The following DKK2 variants were observed in gnomAD, a reference collection of about 807,000 sequenced individuals.
DKK2 encodes the protein dickkopf Wnt signaling pathway inhibitor 2, also known as dickkopf-related protein 2.
Under a neutral mutation model 28.1 loss-of-function variants are expected in DKK2, and 11 were observed. That is an observed-to-expected ratio of 0.39 (90% CI 0.25 to 0.65). The LOEUF (loss-of-function observed/expected upper bound fraction) is 0.65, where lower values mean the gene tolerates loss of function less well. Ranked by LOEUF, DKK2 falls within the 30% of genes least tolerant of loss-of-function variation. The pLI is 0.47. For synonymous variants in DKK2, 135 were observed against 126.5 expected (o/e 1.07, Z -0.45); for missense variants, 326 against 335.5 (o/e 0.97, Z 0.22).
intron 1 of DKK2, among the ~76,000 whole-genome samples, chr4:106,964,157 TAGA>T (rs1446603390): frequency 6.6e-6 from 1 of 152,162 alleles, no homozygotes; most frequent in Non-Finnish European, 1.5e-5. Flanking sequence ...ATTAATACAA[TAGA>T]AGATTATTCA....
chr4:106,933,745 T>C (rs1382208984), intron 1 of DKK2, among the ~76,000 whole-genome samples: 2 of 152,156 alleles, frequency 1.3e-5, no homozygotes, highest in Non-Finnish European at 2.9e-5. Context: ...CCAATGAAAA[T>C]GACATTTAAA....
At chr4:106,949,645 T>A (rs1268588078) in intron 1 of DKK2, among the ~76,000 whole-genome samples, 1 of 152,290 alleles carries the variant, frequency 6.6e-6, no homozygotes. Context: ...TTAACATTTG[T>A]GGGCTTCTGT....
intron 1 of DKK2, among the ~76,000 whole-genome samples, chr4:106,982,957 A>T (rs1723047602): frequency 6.6e-6 from 1 of 151,012 alleles, no homozygotes; most frequent in Non-Finnish European, 1.5e-5. Context: ...GAGAAGAAAA[A>T]GAAGAAGAAA....
intron 1 of DKK2, among the ~76,000 whole-genome samples, chr4:106,967,523 A>G (rs1578361144): frequency 6.6e-6 from 1 of 152,130 alleles, no homozygotes; most frequent in South Asian, 2.1e-4. Context: ...ATGGTGTGAG[A>G]TGAGGCTGCT....
At chr4:106,938,490 T>C (rs995034737) in intron 1 of DKK2, among the ~76,000 whole-genome samples, 6 of 151,922 alleles carry the variant, frequency 3.9e-5, no homozygotes, top group African/African-American at 9.7e-5. Flanking sequence ...GCTTACCAAC[T>C]AAAAAGAGTC....
intron 1 of DKK2, among the ~76,000 whole-genome samples, chr4:107,001,460 T>C (rs1208995743): frequency 6.6e-6 from 1 of 152,144 alleles, no homozygotes; most frequent in Non-Finnish European, 1.5e-5. Context: ...AATAAGCAAT[T>C]TAACTCTCAT....
At chr4:107,012,116 G>C (rs576141016) in intron 1 of DKK2, among the ~76,000 whole-genome samples, 2 of 151,332 alleles carry the variant, frequency 1.3e-5, no homozygotes, top group East Asian at 3.9e-4. Context: ...TGTGTTACAA[G>C]CAAATTTATC....
chr4:107,032,552 T>C (rs1723890606), intron 1 of DKK2, among the ~76,000 whole-genome samples: 1 of 152,118 alleles, frequency 6.6e-6, no homozygotes, highest in African/African-American at 2.4e-5. Context: ...AGTGGCAATA[T>C]TTAATTCTCT....
intron 1 of DKK2, among the ~76,000 whole-genome samples, chr4:106,932,091 C>G (rs1724511736): frequency 6.6e-6 from 1 of 152,062 alleles, no homozygotes; most frequent in Admixed American, 6.6e-5. Flanking sequence ...AGTTGAGGAT[C>G]TGGACATTGA....
intron 1 of DKK2, among the ~76,000 whole-genome samples, chr4:106,961,206 C>T (rs1277756270): frequency 6.6e-6 from 1 of 151,978 alleles, no homozygotes; most frequent in Non-Finnish European, 1.5e-5. Flanking sequence ...ATCTCACCTC[C>T]CATTTCTTTG....
chr4:106,990,778 T>C (rs1723192820), intron 1 of DKK2, among the ~76,000 whole-genome samples: 1 of 152,142 alleles, frequency 6.6e-6, no homozygotes, highest in African/African-American at 2.4e-5. Flanking sequence ...TTTCCTCCTA[T>C]GGCACTGAAT....
chr4:106,992,838 G>A (rs1349744773), intron 1 of DKK2, among the ~76,000 whole-genome samples: 1 of 152,168 alleles, frequency 6.6e-6, no homozygotes, highest in African/African-American at 2.4e-5. Flanking sequence ...ACAGGGCCTG[G>A]CTGAAGACAA....
At chr4:107,021,612 T>G (rs1723694101) in intron 1 of DKK2, among the ~76,000 whole-genome samples, 2 of 151,202 alleles carry the variant, frequency 1.3e-5, no homozygotes, top group African/African-American at 4.9e-5. Context: ...TACCGCCGAT[T>G]CCTACACTCC....
chr4:106,977,432 TCTTTC>T (rs1722961628), intron 1 of DKK2, among the ~76,000 whole-genome samples: 1 of 152,196 alleles, frequency 6.6e-6, no homozygotes, highest in Non-Finnish European at 1.5e-5. Flanking sequence ...GAGGCTTTGT[TCTTTC>T]CTTTTCATTC....
At chr4:107,032,941 A>C (rs1723896213) in intron 1 of DKK2, among the ~76,000 whole-genome samples, 1 of 150,976 alleles carries the variant, frequency 6.6e-6, no homozygotes, top group Non-Finnish European at 1.5e-5. Context: ...ATTTCTGAAA[A>C]TAATAATACT....
intron 1 of DKK2, among the ~76,000 whole-genome samples, chr4:106,989,725 A>G (rs1231129620): frequency 6.6e-6 from 1 of 152,196 alleles, no homozygotes; most frequent in East Asian, 1.9e-4. Context: ...AATTAATCAT[A>G]GTAGATTGTT....
intron 1 of DKK2, among the ~76,000 whole-genome samples, chr4:106,998,905 C>T (rs1344820184): frequency 6.6e-6 from 1 of 152,108 alleles, no homozygotes; most frequent in Non-Finnish European, 1.5e-5. Flanking sequence ...AAAAATAGCT[C>T]ACTGAATACT....
chr4:107,019,531 C>A (rs1723661288), intron 1 of DKK2, among the ~76,000 whole-genome samples: 1 of 152,006 alleles, frequency 6.6e-6, no homozygotes, highest in African/African-American at 2.4e-5. Flanking sequence ...CTGTCACTAT[C>A]TTCCAGAAAC....
At chr4:107,032,882 CA>C (rs1723895694) in intron 1 of DKK2, among the ~76,000 whole-genome samples, 1 of 151,520 alleles carries the variant, frequency 6.6e-6, no homozygotes, top group African/African-American at 2.4e-5. Flanking sequence ...TTTTTCTCTA[CA>C]AAAGGAAATA....
Sources: gnomAD v4.1 joint callset for allele counts (sites outside exome capture counted in the v4.1 genomes callset) on GRCh38, gnomAD v4.1.1 for gene constraint, MANE v1.5 for transcripts, NCBI Gene and HGNC (gene_info 2026-07-23, HGNC 2026-07-21) for gene names.